Variants in KYNU observed in about 807,000 individuals in gnomAD.
The protein encoded by KYNU is kynureninase.
A neutral mutation model predicts 59.2 loss-of-function variants in KYNU; 54 were observed. The observed-to-expected ratio is 0.91, with a 90% CI of 0.73 to 1.14. KYNU has a LOEUF of 1.14. KYNU is among the 50% of genes most tolerant of loss of function. KYNU has a pLI of 0.00. For synonymous variants in KYNU, 177 were observed against 192.0 expected (o/e 0.92, Z 0.65); for missense variants, 567 against 554.4 (o/e 1.02, Z -0.23).
At chr2:142,961,652 CTT>C (rs1165907692) in intron 8 of KYNU, among the ~76,000 whole-genome samples, 28 of 152,062 alleles carry the variant, frequency 1.8e-4, no homozygotes, top group Non-Finnish European at 3.4e-4. Context: ...GTAATGAGAG[CTT>C]TTTTTCCTAC....
At chr2:142,934,045 T>C (rs1683308011) in intron 4 of KYNU, among the ~76,000 whole-genome samples, 1 of 152,192 alleles carries the variant, frequency 6.6e-6, no homozygotes. Flanking sequence ...GAGTACAGCT[T>C]GGTTAATGAG....
At chr2:142,975,680 C>T (rs979912419) in intron 8 of KYNU, among the ~76,000 whole-genome samples, 1 of 152,190 alleles carries the variant, frequency 6.6e-6, no homozygotes, top group Non-Finnish European at 1.5e-5. Flanking sequence ...GTCGCAAATC[C>T]TCTGAAGGGG....
chr2:142,941,434 C>A (rs1007018843), intron 4 of KYNU, among the ~76,000 whole-genome samples: 5 of 152,054 alleles, frequency 3.3e-5, no homozygotes, highest in Admixed American at 2.0e-4. Context: ...TGTTTGGTCC[C>A]AAAATATAAT....
rs1161054246 is a variant in KYNU, at chr2:143,055,651, G to GAA, written c.*13480_*13481dup. ...TTACCACAGGAAGGAAGGAAGGAAGGAAGGAAGGAAGGAAGGAAGGAAGGA... is the reference window on the plus strand; with the variant it reads ...TTACCACAGGAAGGAAGGAAGGAAGGAAAAGGAAGGAAGGAAGGAAGGAAGGA... On this transcript the variant is annotated 3_prime_UTR_variant, in exon 14 of 14. Coordinates refer to ENST00000264170, the MANE Select transcript of KYNU (RefSeq NM_003937.3). 6.6e-6 allele frequency: 1 copy of GAA among 151,544 alleles called. No individual in the cohort carries two copies. Among genetic ancestry groups the GAA allele is most frequent in the Non-Finnish European group, 1.5e-5 (1 of 67,856 alleles). The allele number at this position is 151,544 out of a possible 1,614,324, so 9.4% of individuals were successfully genotyped here.
At chr2:142,927,498 C>G (rs976971455) in intron 3 of KYNU, among the ~76,000 whole-genome samples, 161 bp from the exon 4 acceptor site, 1 of 152,018 alleles carries the variant, frequency 6.6e-6, no homozygotes, top group African/African-American at 2.4e-5. Flanking sequence ...ACATTAATCC[C>G]AAGTATTATA....
At chr2:143,015,342 G>A (rs1002566547) in intron 10 of KYNU, among the ~76,000 whole-genome samples, 1 of 152,126 alleles carries the variant, frequency 6.6e-6, no homozygotes, top group African/African-American at 2.4e-5. Flanking sequence ...AGGGTGTGGG[G>A]AAACCAAATT....
intron 10 of KYNU, chr2:142,989,778 A>G (rs909461973): frequency 6.6e-6 from 1 of 152,130 alleles, no homozygotes. Context: ...CTAAGAAAGG[A>G]ATTATAAGCA....
chr2:142,985,209 C>T lies in KYNU; in HGVS notation c.828+27C>T, dbSNP rs745677354. ...TACAAACGAGTTAATACATTTACAT[C>T]CCTTTATTTCACATTGACTTTAATC... is the stretch of plus-strand genomic sequence containing the variant. On this transcript the variant is annotated intron_variant, in intron 9 of 13. Transcript: ENST00000264170. The T allele has an allele frequency of 4.5e-6, 6 of 1,332,496 alleles. No individual in the cohort carries two copies. The South Asian group carries it at 7.0e-5, about 16-fold the overall frequency. 82.5% of individuals were successfully genotyped at this position (1,332,496 alleles called of 1,614,324 possible). A position where few individuals can be genotyped will look rare whatever the true frequency, so the allele number is the denominator to read the frequency against.
intron 10 of KYNU, among the ~76,000 whole-genome samples, chr2:143,002,210 T>G (rs2105187264): frequency 6.6e-6 from 1 of 152,348 alleles, no homozygotes; most frequent in East Asian, 1.9e-4. Flanking sequence ...TAGCATGAAA[T>G]AATGAGATAG....
intron 8 of KYNU, among the ~76,000 whole-genome samples, chr2:142,967,812 T>C (rs1684595115): frequency 6.6e-6 from 1 of 152,186 alleles, no homozygotes. Flanking sequence ...CGTAATATTA[T>C]AATAGAATAA....
In KYNU at chr2:142,967,817, GAAT is replaced by G. The variant is rs371775724; in HGVS notation, c.729+7052_729+7054del. ...AATCAACTGTCGTAATATTATAATA[GAAT>G]AATATCTCTGTAATATCTCTATTAC... is the stretch of plus-strand genomic sequence containing the variant. On this transcript the variant is annotated intron_variant, in intron 8 of 13. Coordinates refer to ENST00000264170, the MANE Select transcript of KYNU (RefSeq NM_003937.3). Among the ~76,000 whole-genome samples, 54 of 152,128 alleles carry G rather than the reference GAAT, an allele frequency of 3.5e-4. 3 individuals are homozygous for G. The East Asian group carries it at 9.5e-3, about 27-fold the overall frequency.
intron 8 of KYNU, among the ~76,000 whole-genome samples, chr2:142,966,331 T>C (rs1157412746): frequency 6.6e-6 from 1 of 152,216 alleles, no homozygotes; most frequent in Non-Finnish European, 1.5e-5. Context: ...TTCATGGTTG[T>C]GTCCTTTGGC....
rs1687217180 is a variant in KYNU, at chr2:143,049,064, G to T, written c.*6892G>T. 3 of 151,996 alleles carry T rather than the reference G, an allele frequency of 2.0e-5. No homozygotes were observed. The highest frequency in any genetic ancestry group is 2.0e-4 in the Admixed American group (3 of 15,246). The allele number at this position is 151,996 out of a possible 1,614,324, so 9.4% of individuals were successfully genotyped here. Reference sequence around the variant, plus strand: ...AATTTTTTAATTTCTAGAAAATTCAGAAGTATTATTTATTTATTCAATTAT... The same window carrying T: ...AATTTTTTAATTTCTAGAAAATTCATAAGTATTATTTATTTATTCAATTAT... On this transcript the variant is annotated 3_prime_UTR_variant, in exon 14 of 14. Transcript: ENST00000264170.
At chr2:142,932,804 C>A (rs1171553312) in intron 4 of KYNU, among the ~76,000 whole-genome samples, 5 of 152,046 alleles carry the variant, frequency 3.3e-5, no homozygotes, top group African/African-American at 1.2e-4. Flanking sequence ...ATGCCGGCGT[C>A]CTTGCTGTAA....
At chr2:142,950,218 T>C (rs955879025) in intron 4 of KYNU, among the ~76,000 whole-genome samples, 3 of 152,236 alleles carry the variant, frequency 2.0e-5, no homozygotes, top group African/African-American at 7.2e-5. Context: ...TCCTGTCTTG[T>C]TGTGAACCCT....
chr2:142,912,367 A>ATTTTTTT (rs1682507250), intron 2 of KYNU, among the ~76,000 whole-genome samples: 1 of 92,016 alleles, frequency 1.1e-5, no homozygotes, highest in African/African-American at 4.0e-5. Context: ...GATCTTTTGT[A>ATTTTTTT]TTTCTTTTTT....
intron 8 of KYNU, among the ~76,000 whole-genome samples, chr2:142,961,446 A>C (rs1034535603): frequency 5.9e-5 from 9 of 152,116 alleles, no homozygotes; most frequent in Non-Finnish European, 1.2e-4. Flanking sequence ...TAGGAAGTAC[A>C]TGCTAGGTCT....
At chr2:143,041,063 C>T (rs1483906852) in intron 13 of KYNU, among the ~76,000 whole-genome samples, 3 of 151,924 alleles carry the variant, frequency 2.0e-5, no homozygotes, top group Admixed American at 6.6e-5. Context: ...CTTATTTAGT[C>T]GCTTGATCAA....
At chr2:143,036,829 G>T (rs184652321) in intron 12 of KYNU, among the ~76,000 whole-genome samples, 64 of 152,270 alleles carry the variant, frequency 4.2e-4, no homozygotes, top group Admixed American at 1.2e-3. Flanking sequence ...GGAGATAGGT[G>T]GTTGAAGTTT....
Sources: allele counts gnomAD v4.1 joint callset (sites outside exome capture counted in the v4.1 genomes callset), GRCh38; gene constraint gnomAD v4.1.1; transcripts MANE v1.5; gene names NCBI Gene and HGNC (gene_info 2026-07-23, HGNC 2026-07-21).